Variants in TLCD4 observed in about 807,000 individuals in gnomAD.
TLCD4 encodes TLC domain containing 4, also known as TLC domain-containing protein 4.
Under a neutral mutation model 24.2 loss-of-function variants are expected in TLCD4, and 7 were observed. That is an observed-to-expected ratio of 0.29 (90% CI 0.16 to 0.54). TLCD4 has a LOEUF of 0.54. Among genes scored for constraint, TLCD4 ranks in the 20% least tolerant of loss-of-function variants. The pLI is 0.95. For synonymous variants in TLCD4, 103 were observed against 106.4 expected (o/e 0.97, Z 0.20); for missense variants, 259 against 313.9 (o/e 0.82, Z 1.32).
At chr1:95,124,326 C>G (rs1449458337) in intron 1 of TLCD4, among the ~76,000 whole-genome samples, 1 of 152,156 alleles carries the variant, frequency 6.6e-6, no homozygotes, top group East Asian at 1.9e-4. Context: ...GGCAAATGAT[C>G]TATAACAAGC....
chr1:95,113,061 G>C (rs1042675210), upstream of TLCD4, among the ~76,000 whole-genome samples: 1 of 62,128 alleles, frequency 1.6e-5, no homozygotes, highest in African/African-American at 6.5e-5. Flanking sequence ...TTTTTTTTTT[G>C]AGACAGAGTC....
rs530507867 is a variant in TLCD4 at position 95,192,893 on chromosome 1, T to C, written c.*1025T>C. ...ACAGATTATAGACCTCCTTAAGAGA[T>C]GAGTTTCTTCTTCTAAAAATGCATG... On this transcript the variant is annotated 3_prime_UTR_variant, in exon 7 of 7. Transcript: ENST00000370203. The C allele has an allele frequency of 2.0e-5, 3 of 152,316 alleles. No homozygotes were observed. The highest frequency in any genetic ancestry group is 6.5e-5 in the Admixed American group (1 of 15,310). The allele number at this position is 152,316 out of a possible 1,614,324, so 9.4% of individuals were successfully genotyped here. A position where few individuals can be genotyped will look rare whatever the true frequency, so the allele number is the denominator to read the frequency against.
intron 3 of TLCD4, 47 bp from the exon 4 acceptor site, chr1:95,150,161 C>T: frequency 6.4e-7 from 1 of 1,568,084 alleles, no homozygotes; most frequent in Non-Finnish European, 8.6e-7. Context: ...AAGTAGCGGT[C>T]ATCTACAATC....
chr1:95,187,617 T>C (rs2093908382), intron 6 of TLCD4, among the ~76,000 whole-genome samples: 1 of 152,160 alleles, frequency 6.6e-6, no homozygotes, highest in Admixed American at 6.6e-5. Flanking sequence ...TAATCATTGT[T>C]GATGTTAAGC....
the TLCD4 span, among the ~76,000 whole-genome samples, chr1:95,108,886 T>C: frequency 1.3e-5 from 2 of 152,228 alleles, no homozygotes; most frequent in East Asian, 1.9e-4. Context: ...TATTTTTTAA[T>C]ATACAGAAGG....
At chr1:95,142,291 C>CT (rs33917874) in intron 1 of TLCD4, among the ~76,000 whole-genome samples, 140 of 116,784 alleles carry the variant, frequency 1.2e-3, no homozygotes, top group East Asian at 8.9e-3. Flanking sequence ...TTATAAAAAT[C>CT]TTTTTTTTTT....
At chr1:95,110,690 A>T in the TLCD4 span, among the ~76,000 whole-genome samples, 1 of 151,944 alleles carries the variant, frequency 6.6e-6, no homozygotes, top group Non-Finnish European at 1.5e-5. Flanking sequence ...GGAGTTCAAG[A>T]CCAACCTGCA....
chr1:95,131,898 T>G (rs1219463201), intron 1 of TLCD4, among the ~76,000 whole-genome samples: 1 of 152,204 alleles, frequency 6.6e-6, no homozygotes, highest in Non-Finnish European at 1.5e-5. Flanking sequence ...TGGGGGCAGA[T>G]CCCTCATGAG....
upstream of TLCD4, among the ~76,000 whole-genome samples, chr1:95,113,566 T>C (rs946291012): frequency 6.6e-6 from 1 of 152,012 alleles, no homozygotes; most frequent in African/African-American, 2.4e-5. Flanking sequence ...TGAAGACAGG[T>C]GGGGAGAAGC....
upstream of TLCD4, chr1:95,117,336 G>A (rs1186617485): frequency 2.0e-5 from 3 of 152,188 alleles, no homozygotes; most frequent in Non-Finnish European, 2.9e-5. Flanking sequence ...GCCGGAGCCC[G>A]AGCGGCCGCG....
intron 1 of TLCD4, 94 bp from the exon 2 acceptor site, chr1:95,143,797 A>T: frequency 8.5e-7 from 1 of 1,179,560 alleles, no homozygotes; most frequent in Non-Finnish European, 1.1e-6. Flanking sequence ...AATTTTAAAA[A>T]TTACTAAAAT....
At chr1:95,173,411 G>A (rs1008260297) in intron 5 of TLCD4, among the ~76,000 whole-genome samples, 17 of 151,864 alleles carry the variant, frequency 1.1e-4, no homozygotes, top group Non-Finnish European at 2.1e-4. Context: ...CCGGGTTCAC[G>A]CCATTCTCCT....
intron 1 of TLCD4, chr1:95,140,742 A>C (rs1295452205): frequency 6.6e-6 from 1 of 152,258 alleles, no homozygotes; most frequent in Non-Finnish European, 1.5e-5. Context: ...AGGTATATGA[A>C]GTAGGTGTGC....
At position 95,168,836 on chromosome 1, in the gene TLCD4, A is replaced by G. The variant is rs564262074; in HGVS notation, c.400-4980A>G. 7.2e-5 allele frequency among the ~76,000 whole-genome samples: 11 copies of G among 152,346 alleles called. No individual in the cohort carries two copies. The South Asian group carries it at 1.7e-3, about 23-fold the overall frequency. On this transcript the variant is annotated intron_variant, in intron 5 of 6. Transcript: ENST00000370203. ...AGGCACTGTGTAAGGCTTTATGGAT[A>G]TAACAGTGAATAAGGAACAGGAAAT...
chr1:95,144,687 T>A (rs1677300240), intron 2 of TLCD4, among the ~76,000 whole-genome samples: 1 of 151,980 alleles, frequency 6.6e-6, no homozygotes, highest in Non-Finnish European at 1.5e-5. Flanking sequence ...TATTTTTATT[T>A]TATTTGTTTA....
chr1:95,140,818 T>C (rs1221999579), intron 1 of TLCD4: 1 of 152,226 alleles, frequency 6.6e-6, no homozygotes, highest in Non-Finnish European at 1.5e-5. Context: ...CCTTAACATA[T>C]GTTAGTAATG....
Position 95,196,728 on chromosome 1 carries a change from T to G in TLCD4, c.*4860T>G, listed in dbSNP as rs554912516. 1 of 152,182 alleles carries G rather than the reference T, an allele frequency of 6.6e-6. No individual in the cohort carries two copies. The highest frequency in any genetic ancestry group is 1.5e-5 in the Non-Finnish European group (1 of 68,024). 9.4% of individuals were successfully genotyped at this position (152,182 alleles called of 1,614,324 possible). ...TGGCTGAAAACTCGTTAAACATCTTTGGATATTTTTTCTTTATATCTTTAT... is the reference window on the plus strand; with the variant it reads ...TGGCTGAAAACTCGTTAAACATCTTGGGATATTTTTTCTTTATATCTTTAT... On this transcript the variant is annotated 3_prime_UTR_variant, in exon 7 of 7. Coordinates refer to ENST00000370203, the MANE Select transcript of TLCD4 (RefSeq NM_152487.3).
intron 6 of TLCD4, among the ~76,000 whole-genome samples, chr1:95,188,344 C>T (rs1222932230): frequency 2.0e-5 from 3 of 147,626 alleles, no homozygotes; most frequent in Non-Finnish European, 4.4e-5. Flanking sequence ...GCCAAGATCG[C>T]GCCACTGTAC....
the TLCD4 span, among the ~76,000 whole-genome samples, chr1:95,098,734 G>A: frequency 6.6e-6 from 1 of 152,110 alleles, no homozygotes; most frequent in Non-Finnish European, 1.5e-5. Context: ...ATCATCTTGG[G>A]AAAGTTGCTA....
Sources: gnomAD v4.1 joint callset for allele counts (sites outside exome capture counted in the v4.1 genomes callset) on GRCh38, gnomAD v4.1.1 for gene constraint, MANE v1.5 for transcripts, NCBI Gene and HGNC (gene_info 2026-07-23, HGNC 2026-07-21) for gene names.